LAMA3: variants seen among roughly 807,000 people sequenced by gnomAD.
LAMA3 encodes laminin subunit alpha 3.
LAMA3 carries 281 observed loss-of-function variants against 402.0 expected under a neutral mutation model. The observed-to-expected ratio is 0.70, with a 90% CI of 0.63 to 0.77. The LOEUF (loss-of-function observed/expected upper bound fraction) is 0.77, where lower values mean the gene tolerates loss of function less well. Among genes scored for constraint, LAMA3 ranks in the 30% least tolerant of loss-of-function variants. The probability of loss-of-function intolerance (pLI) is 0.00; values close to 1 mark genes in which losing one functional copy is unlikely to be tolerated. For synonymous variants in LAMA3, 1,431 were observed against 1,558.4 expected, an observed-to-expected ratio of 0.92 and a Z score of 1.93; for missense variants, 3,840 against 4,215.5, an observed-to-expected ratio of 0.91 and a Z score of 2.47.
intron 32 of LAMA3, among the ~76,000 whole-genome samples, chr18:23,850,878 C>T (rs960977017): frequency 3.3e-5 from 5 of 152,194 alleles, no homozygotes; most frequent in East Asian, 1.9e-4. Flanking sequence ...CTGTTGACCG[C>T]GTCCAAGCTA....
rs1157166417 is a variant in LAMA3 at position 23,857,854 on chromosome 18, A to T, written c.4147A>T (p.Arg1383Ter). The change falls in exon 33 of 75, where the codon AGA becomes TGA. Residue 1383 changes from arginine to a stop codon, truncating the protein, a stop_gained. Coordinates refer to ENST00000313654, the MANE Select transcript of LAMA3 (RefSeq NM_198129.4). LOFTEE classifies it high-confidence loss of function. ...RDSGQCRCKP[R>*]ITGRQCDRCA... Reference sequence around the variant, plus strand: ...TTACTTTGTGTACAGATGCAAGCCCAGAATCACAGGGCGGCAGTGTGACCG... The same window carrying T: ...TTACTTTGTGTACAGATGCAAGCCCTGAATCACAGGGCGGCAGTGTGACCG... 11 of 1,614,252 alleles carry T rather than the reference A, an allele frequency of 6.8e-6. No individual in the cohort carries two copies. Among genetic ancestry groups the T allele is most frequent in the Non-Finnish European group, 9.3e-6 (11 of 1,180,042 alleles).
At chr18:23,832,724 G>A (rs2063511134) in intron 23 of LAMA3, among the ~76,000 whole-genome samples, 1 of 151,998 alleles carries the variant, frequency 6.6e-6, no homozygotes, top group Non-Finnish European at 1.5e-5. Flanking sequence ...CCTCAATAAC[G>A]GATTTGTTAA....
At chr18:23,899,492 C>A in intron 47 of LAMA3, 37 bp downstream of exon 47, 4 of 1,604,518 alleles carry the variant, frequency 2.5e-6, no homozygotes, top group South Asian at 1.1e-5. Flanking sequence ...CCAGTCCATT[C>A]TAATTGATTT....
At chr18:23,820,559 CATCT>C (rs1198862168) in intron 19 of LAMA3, among the ~76,000 whole-genome samples, 2 of 152,092 alleles carry the variant, frequency 1.3e-5, no homozygotes, top group African/African-American at 4.8e-5. Context: ...CTACTGCATC[CATCT>C]ATCTTGGCTT....
Position 23,915,426 on chromosome 18 carries a change from A to G in LAMA3, c.7778+4A>G. 1 of 1,613,334 alleles carries G rather than the reference A, an allele frequency of 6.2e-7. No homozygotes were observed. The highest frequency in any genetic ancestry group is 8.5e-7 in the Non-Finnish European group (1 of 1,179,624). On this transcript the variant is annotated splice_donor_region_variant and intron_variant, in intron 59 of 74. Transcript: ENST00000313654. ...CTGAAGTGGAGCCTTGTAGAAGGTA[A>G]ATAAAATGTAGAAACCAGAAACTCT...
chr18:23,799,738 G>GGA (rs60652911), intron 12 of LAMA3, among the ~76,000 whole-genome samples: 5,151 of 151,502 alleles, frequency 0.034, 279 homozygotes, highest in African/African-American at 0.12. Flanking sequence ...GTGTACGTAT[G>GGA]GAGAGAGAGA....
intron 10 of LAMA3, among the ~76,000 whole-genome samples, chr18:23,776,223 T>C (rs1413276663): frequency 6.6e-6 from 1 of 152,166 alleles, no homozygotes; most frequent in Non-Finnish European, 1.5e-5. Context: ...TTTTTCCTCC[T>C]AAATGTAGGA....
At chr18:23,719,404 C>A (rs2061169607) in intron 2 of LAMA3, among the ~76,000 whole-genome samples, 3 of 152,090 alleles carry the variant, frequency 2.0e-5, no homozygotes, top group Admixed American at 2.0e-4. Flanking sequence ...TTAACACAGG[C>A]AAATACTATG....
rs185278152 is a variant in LAMA3, at chr18:23,718,253, A to C, written c.447+4181A>C. Among the ~76,000 whole-genome samples, 5 of 152,016 alleles carry C rather than the reference A, an allele frequency of 3.3e-5. No homozygotes were observed. In the East Asian group the frequency reaches 7.8e-4, roughly 24 times the overall value. ...GGACTTCCTCCAGAATCCAAACTCC[A>C]GAGTTCTATTCTATGGGCTCCCTAT... On this transcript the variant is annotated intron_variant, in intron 2 of 74. Coordinates refer to ENST00000313654, the MANE Select transcript of LAMA3 (RefSeq NM_198129.4).
intron 1 of LAMA3, among the ~76,000 whole-genome samples, chr18:23,704,002 T>C (rs927071628): frequency 2.6e-5 from 4 of 152,212 alleles, no homozygotes; most frequent in African/African-American, 9.6e-5. Context: ...ACATCAGGCC[T>C]CCAGCTGGCT....
chr18:23,705,229 T>A (rs948096797), intron 1 of LAMA3, among the ~76,000 whole-genome samples: 1 of 152,048 alleles, frequency 6.6e-6, no homozygotes, highest in African/African-American at 2.4e-5. Flanking sequence ...AACATGGGAG[T>A]TCTCTGTTCC....
intron 2 of LAMA3, among the ~76,000 whole-genome samples, chr18:23,746,467 C>A (rs2061652647): frequency 6.6e-6 from 1 of 152,108 alleles, no homozygotes; most frequent in Non-Finnish European, 1.5e-5. Context: ...TTCAGCCAAA[C>A]AACATATCAC....
At position 23,845,010 on chromosome 18, in the gene LAMA3, T is replaced by G; in HGVS notation, c.3605T>G (p.Val1202Gly). The change falls in exon 30 of 75, where the codon GTC becomes GGC. Residue 1202 changes from valine (V) to glycine (G), a missense_variant and splice_region_variant. Coordinates refer to ENST00000313654, the MANE Select transcript of LAMA3 (RefSeq NM_198129.4). ...GACATGCTGGTGGATTTCTTTCAGG[T>G]CCGTGTTCTAGTGGTGCCTGCAGAA... ...KVPEGKSLVLVRVLVVPAENY... is the reference protein window; with the variant it reads ...KVPEGKSLVLGRVLVVPAENY... 6.5e-7 allele frequency: 1 copy of G among 1,543,598 alleles called. No individual in the cohort carries two copies. Among genetic ancestry groups the G allele is most frequent in the Non-Finnish European group, 9.0e-7 (1 of 1,115,910 alleles).
At chr18:23,735,435 A>ATGTAAGGGC (rs2146028842) in intron 2 of LAMA3, among the ~76,000 whole-genome samples, 1 of 152,252 alleles carries the variant, frequency 6.6e-6, no homozygotes. Context: ...TGAGCTGCTC[A>ATGTAAGGGC]TACGTCTTCG....
At chr18:23,896,034 G>C (rs1045745149) in intron 44 of LAMA3, among the ~76,000 whole-genome samples, 36 of 152,140 alleles carry the variant, frequency 2.4e-4, no homozygotes, top group African/African-American at 8.2e-4. Flanking sequence ...TGTAACCCAT[G>C]TGTTATTTAG....
At chr18:23,768,518 A>T (rs2062127853) in intron 8 of LAMA3, among the ~76,000 whole-genome samples, 1 of 152,232 alleles carries the variant, frequency 6.6e-6, no homozygotes, top group African/African-American at 2.4e-5. Context: ...CAGAGAAAAG[A>T]GAACACTTAC....
intron 2 of LAMA3, among the ~76,000 whole-genome samples, chr18:23,737,833 G>T (rs1268331186): frequency 1.3e-5 from 2 of 152,232 alleles, no homozygotes; most frequent in Non-Finnish European, 2.9e-5. Flanking sequence ...ACTCTTGTGA[G>T]GAGTGTTTTA....
chr18:23,798,526 C>T (rs754808877), intron 12 of LAMA3, among the ~76,000 whole-genome samples: 2 of 152,138 alleles, frequency 1.3e-5, no homozygotes, highest in Non-Finnish European at 1.5e-5. Flanking sequence ...AGGTTTTGGC[C>T]GTGATGCTCC....
At chr18:23,700,145 G>T (rs2060765249) in intron 1 of LAMA3, among the ~76,000 whole-genome samples, 1 of 152,022 alleles carries the variant, frequency 6.6e-6, no homozygotes, top group Admixed American at 6.6e-5. Context: ...GGTAAGACAT[G>T]TTCCTCCTCT....
Sources: gnomAD v4.1 joint callset for allele counts (sites outside exome capture counted in the v4.1 genomes callset) on GRCh38, gnomAD v4.1.1 for gene constraint, MANE v1.5 for transcripts, NCBI Gene and HGNC (gene_info 2026-07-23, HGNC 2026-07-21) for gene names.